Variants in CNTN6 observed in about 807,000 individuals in gnomAD.
CNTN6 encodes contactin 6, also known as contactin-6.
In CNTN6, 137 loss-of-function variants were observed where a neutral mutation model predicts 122.8. That is an observed-to-expected ratio of 1.12 (90% confidence interval 0.97 to 1.29). CNTN6 has a LOEUF of 1.29. Ranked by LOEUF, CNTN6 falls within the 50% of genes most tolerant of loss-of-function variation. The probability of loss-of-function intolerance (pLI) is 0.00; values close to 1 mark genes in which losing one functional copy is unlikely to be tolerated. For missense variants in CNTN6, 1,634 were observed against 1,223.4 expected (o/e 1.34, Z -5.01); for synonymous variants, 570 against 426.0 (o/e 1.34, Z -4.16).
intron 4 of CNTN6, among the ~76,000 whole-genome samples, chr3:1,264,795 A>T (rs1314634554): frequency 6.6e-6 from 1 of 152,130 alleles, no homozygotes; most frequent in Non-Finnish European, 1.5e-5. Context: ...TGTGCAATAG[A>T]TCACTAAAGC....
chr3:1,246,963 C>A (rs1234786329), intron 4 of CNTN6, among the ~76,000 whole-genome samples: 1 of 152,072 alleles, frequency 6.6e-6, no homozygotes, highest in East Asian at 1.9e-4. Flanking sequence ...TACTGTGTCG[C>A]TTGCCTTTTC....
At chr3:1,256,190 AAAGTT>A (rs1219779492) in intron 4 of CNTN6, among the ~76,000 whole-genome samples, 1 of 152,156 alleles carries the variant, frequency 6.6e-6, no homozygotes, top group African/African-American at 2.4e-5. Context: ...ATTTTTAATT[AAAGTT>A]ATTTGCTTTA....
chr3:1,239,669 AC>A (rs1559577578), intron 4 of CNTN6, among the ~76,000 whole-genome samples: 2 of 152,156 alleles, frequency 1.3e-5, no homozygotes, highest in African/African-American at 4.8e-5. Flanking sequence ...ACTAGCAAAA[AC>A]AATCCTAAAA....
At chr3:1,351,752 C>T (rs1275451737) in intron 11 of CNTN6, among the ~76,000 whole-genome samples, 1 of 151,838 alleles carries the variant, frequency 6.6e-6, no homozygotes, top group African/African-American at 2.4e-5. Context: ...CTTCTTCCTT[C>T]CTCTTTTTGA....
intron 1 of CNTN6, among the ~76,000 whole-genome samples, chr3:1,119,325 G>GTGTGTGTGTGTGTGTGTGTGTT (rs1348920581): frequency 8.0e-5 from 12 of 149,710 alleles, no homozygotes; most frequent in African/African-American, 2.9e-4. Context: ...GAAAAATCGT[G>GTGTGTGTGTGTGTGTGTGTGTT]TGTGTGTGTG....
chr3:1,325,428 T>C (rs182632606), intron 8 of CNTN6, among the ~76,000 whole-genome samples: 1 of 152,008 alleles, frequency 6.6e-6, no homozygotes, highest in Admixed American at 6.6e-5. Context: ...GCAAATATAA[T>C]CAGTGAACTT....
chr3:1,300,493 A>AAGGAAGGTAGGG (rs1233689441), intron 7 of CNTN6, among the ~76,000 whole-genome samples: 3 of 119,520 alleles, frequency 2.5e-5, no homozygotes, highest in Non-Finnish European at 4.6e-5. Flanking sequence ...GGAAGGAAGG[A>AAGGAAGGTAGGG]AAAAGAAAAG....
intron 4 of CNTN6, among the ~76,000 whole-genome samples, chr3:1,241,796 G>T (rs2094488915): frequency 6.6e-6 from 1 of 152,204 alleles, no homozygotes. Flanking sequence ...GGTTTTGGAG[G>T]ACAACTGCAG....
At chr3:1,280,875 T>A (rs1275900359) in intron 5 of CNTN6, among the ~76,000 whole-genome samples, 1 of 152,150 alleles carries the variant, frequency 6.6e-6, no homozygotes, top group Non-Finnish European at 1.5e-5. Flanking sequence ...AACTGGCTGT[T>A]AAGGGACACT....
At chr3:1,375,993 C>T (rs1361075267) in intron 16 of CNTN6, among the ~76,000 whole-genome samples, 1 of 152,000 alleles carries the variant, frequency 6.6e-6, no homozygotes, top group East Asian at 1.9e-4. Flanking sequence ...ATTTTAATCC[C>T]TGCCTACCAA....
At chr3:1,368,184 A>G (rs1333894714) in intron 12 of CNTN6, among the ~76,000 whole-genome samples, 2 of 152,222 alleles carry the variant, frequency 1.3e-5, no homozygotes, top group African/African-American at 4.8e-5. Context: ...TGAAGATACA[A>G]AAATGGAATG....
At chr3:1,346,983 G>T (rs1047941198) in intron 11 of CNTN6, among the ~76,000 whole-genome samples, 7 of 152,162 alleles carry the variant, frequency 4.6e-5, no homozygotes, top group African/African-American at 1.7e-4. Flanking sequence ...ACAGTGGGAA[G>T]ATTAAAATGT....
Position 1,297,900 on chromosome 3 carries a change from G to C in CNTN6, c.670G>C (p.Glu224Gln). 1 of 1,611,124 alleles carries C rather than the reference G, an allele frequency of 6.2e-7. No individual in the cohort carries two copies. Among genetic ancestry groups the C allele is most frequent in the South Asian group, 1.1e-5 (1 of 90,304 alleles). ...TTGATATTTAACAGGTGTGATGGGG[G>C]AATATGAACCAAAGATTGAAGTGCG... ...LVQRTDGVMG[E>Q]YEPKIEVRFP... Residue 224 changes from glutamate (E) to glutamine (Q), a missense_variant, in exon 7 of 23, where the codon GAA (glutamate) becomes CAA (glutamine). By Grantham distance (29) the Glu-to-Gln change is conservative. Transcript: ENST00000446702.
At chr3:1,198,208 T>C (rs1223625684) in intron 2 of CNTN6, among the ~76,000 whole-genome samples, 3 of 152,184 alleles carry the variant, frequency 2.0e-5, no homozygotes, top group Non-Finnish European at 4.4e-5. Context: ...AACTTATTCC[T>C]TGGTATGCTA....
At chr3:1,112,760 C>A (rs1316607416) in intron 1 of CNTN6, among the ~76,000 whole-genome samples, 1 of 152,120 alleles carries the variant, frequency 6.6e-6, no homozygotes, top group Non-Finnish European at 1.5e-5. Context: ...AATTAACCAT[C>A]ACAGACACAA....
intron 5 of CNTN6, 94 bp downstream of exon 5, chr3:1,278,602 CA>C (rs1265206898): frequency 1.4e-5 from 10 of 737,730 alleles, no homozygotes; most frequent in Non-Finnish European, 2.0e-5. Flanking sequence ...CACCTTTTAT[CA>C]AATCAAAGAA....
chr3:1,313,919 C>T (rs1031171103), intron 7 of CNTN6, among the ~76,000 whole-genome samples: 7 of 152,070 alleles, frequency 4.6e-5, no homozygotes, highest in South Asian at 4.2e-4. Context: ...AAGCTCCCTC[C>T]GATCTATTTT....
chr3:1,250,791 T>A (rs1199040936), intron 4 of CNTN6, among the ~76,000 whole-genome samples: 1 of 152,186 alleles, frequency 6.6e-6, no homozygotes, highest in South Asian at 2.1e-4. Context: ...TTGCTTCAAC[T>A]GACATTTGGC....
intron 2 of CNTN6, among the ~76,000 whole-genome samples, chr3:1,160,365 T>TATATATATATATAC (rs1486849078): frequency 1.3e-4 from 17 of 133,456 alleles, no homozygotes; most frequent in African/African-American, 4.9e-4. Flanking sequence ...TATATATATA[T>TATATATATATATAC]ATACACACTA....
Sources: gnomAD v4.1 joint callset for allele counts (sites outside exome capture counted in the v4.1 genomes callset) on GRCh38, gnomAD v4.1.1 for gene constraint, MANE v1.5 for transcripts, NCBI Gene and HGNC (gene_info 2026-07-23, HGNC 2026-07-21) for gene names.